MYO1D: variants seen among roughly 807,000 people sequenced by gnomAD.
MYO1D encodes the protein unconventional myosin-Id.
Under a neutral mutation model 122.0 loss-of-function variants are expected in MYO1D, and 83 were observed. The observed-to-expected ratio is 0.68, with a 90% CI of 0.57 to 0.82. The LOEUF (loss-of-function observed/expected upper bound fraction) is 0.82. Ranked by LOEUF, MYO1D falls within the 40% of genes least tolerant of loss-of-function variation. MYO1D has a pLI of 0.00. For synonymous variants in MYO1D, 464 were observed against 446.9 expected, an observed-to-expected ratio of 1.04 and a Z score of -0.48; for missense variants, 1,157 against 1,269.5, an observed-to-expected ratio of 0.91 and a Z score of 1.35.
At position 32,653,840 on chromosome 17, in the gene MYO1D, T is replaced by G. The variant is rs1426368563; in HGVS notation, c.2595+3A>C. The G allele has an allele frequency of 6.2e-7, 1 of 1,611,484 alleles. No individual in the cohort carries two copies. Among genetic ancestry groups the G allele is most frequent in the Admixed American group, 1.7e-5 (1 of 59,922 alleles). ...AAGATGATCTGGTTTAAGCTTGCCT[T>G]ACCTTACGGACGTGACAGGAAAAGA... On this transcript the variant is annotated splice_donor_region_variant and intron_variant, in intron 19 of 21. Coordinates refer to ENST00000318217, the MANE Select transcript of MYO1D (RefSeq NM_015194.3).
chr17:32,613,781 T>G (rs1197909758), intron 20 of MYO1D, among the ~76,000 whole-genome samples: 1 of 97,258 alleles, frequency 1.0e-5, no homozygotes, highest in African/African-American at 4.1e-5. Flanking sequence ...CAGAGCAAGA[T>G]TCCATCTCAA....
chr17:32,844,250 ATATAT>A (rs572517663), intron 1 of MYO1D, among the ~76,000 whole-genome samples: 124 of 147,230 alleles, frequency 8.4e-4, no homozygotes, highest in African/African-American at 3.0e-3. Flanking sequence ...TGTATATATA[ATATAT>A]AATATGTATA....
Position 32,610,307 on chromosome 17 carries a change from G to C in MYO1D, c.2710-5066C>G, listed in dbSNP as rs573751924. ...CTAGGTGGCTTTATCTGCTGTGGAT[G>C]GGAATTCTTCATGTGTACGCCCAGG... is the stretch of plus-strand genomic sequence containing the variant. On this transcript the variant is annotated intron_variant, in intron 20 of 21. Transcript: ENST00000318217. Among the ~76,000 whole-genome samples, 7 of 152,236 alleles carry C rather than the reference G, an allele frequency of 4.6e-5. No homozygotes were observed. The South Asian group carries it at 1.5e-3, about 32-fold the overall frequency.
At chr17:32,588,409 C>G (rs2087410001) in intron 21 of MYO1D, among the ~76,000 whole-genome samples, 1 of 152,210 alleles carries the variant, frequency 6.6e-6, no homozygotes, top group Non-Finnish European at 1.5e-5. Context: ...AAATAAACTC[C>G]AAACAGCATA....
chr17:32,515,662 AT>A (rs1456996918), intron 21 of MYO1D, among the ~76,000 whole-genome samples: 1 of 152,170 alleles, frequency 6.6e-6, no homozygotes, highest in East Asian at 1.9e-4. Flanking sequence ...CTTTTTGGAT[AT>A]TTTCCATCAC....
chr17:32,588,506 T>C (rs1400700847), intron 21 of MYO1D, among the ~76,000 whole-genome samples: 2 of 152,256 alleles, frequency 1.3e-5, no homozygotes, highest in Admixed American at 1.3e-4. Flanking sequence ...TTTTTCATCC[T>C]GAACATGTAT....
At chr17:32,640,233 A>G (rs139850133) in intron 19 of MYO1D, among the ~76,000 whole-genome samples, 2,258 of 152,358 alleles carry the variant, frequency 0.015, 45 homozygotes, top group African/African-American at 0.049. Context: ...TTTACATAGC[A>G]ACAGCTTTTG....
rs2089731282 is a variant in MYO1D, at chr17:32,738,274, T to C, written c.1725A>G (p.Leu575=). 6.2e-7 allele frequency: 1 copy of C among 1,608,464 alleles called. No individual in the cohort carries two copies. The highest frequency in any genetic ancestry group is 1.3e-5 in the African/African-American group (1 of 74,970). Residue 575 remains leucine, a synonymous_variant, in exon 14 of 22, where the codon CTA becomes CTG. Transcript: ENST00000318217. ...ATLFKNSMIA[L]VDNLASKEPY... is the part of the protein sequence containing the mutation. Reference sequence around the variant, plus strand: ...TTACCTTTGATGCAAGGTTGTCTACTAGAGCAATCATAGAATTCTTAAACA... The same window carrying C: ...TTACCTTTGATGCAAGGTTGTCTACCAGAGCAATCATAGAATTCTTAAACA...
intron 1 of MYO1D, among the ~76,000 whole-genome samples, chr17:32,794,660 G>A (rs1370423338): frequency 6.6e-6 from 1 of 152,004 alleles, no homozygotes; most frequent in East Asian, 1.9e-4. Flanking sequence ...CCAATAGAAT[G>A]CACTGTACTG....
At chr17:32,755,421 T>A in intron 11 of MYO1D, 71 bp downstream of exon 11, 6 of 1,453,138 alleles carry the variant, frequency 4.1e-6, no homozygotes, top group Non-Finnish European at 5.7e-6. Context: ...ACATATAAAG[T>A]CGTTGAACTC....
At position 32,507,391 on chromosome 17, in the gene MYO1D, G is replaced by A. The variant is rs117524765; in HGVS notation, c.2865-12476C>T. Among the ~76,000 whole-genome samples, 951 of 152,190 alleles carry A rather than the reference G, an allele frequency of 6.2e-3. 4 individuals carry two copies. Among genetic ancestry groups the A allele is most frequent in the Non-Finnish European group, 9.8e-3 (667 of 68,012 alleles). On this transcript the variant is annotated intron_variant, in intron 21 of 21. Coordinates refer to ENST00000318217, the MANE Select transcript of MYO1D (RefSeq NM_015194.3). ...TGCACTCCAATCTGGGTGACAGAGC[G>A]AGACCCTATCTCAAAAAAACTCCCC... is the stretch of plus-strand genomic sequence containing the variant.
At chr17:32,818,870 A>C (rs2090636533) in intron 1 of MYO1D, among the ~76,000 whole-genome samples, 1 of 152,256 alleles carries the variant, frequency 6.6e-6, no homozygotes, top group Non-Finnish European at 1.5e-5. Context: ...TTTCACCTAC[A>C]AAATCTTATG....
intron 16 of MYO1D, among the ~76,000 whole-genome samples, chr17:32,675,286 A>C (rs1240717913): frequency 1.3e-5 from 2 of 152,242 alleles, no homozygotes; most frequent in African/African-American, 4.8e-5. Flanking sequence ...TAGATAAAGT[A>C]GAATGCTGGA....
At chr17:32,587,911 A>G (rs1001489669) in intron 21 of MYO1D, among the ~76,000 whole-genome samples, 1 of 152,264 alleles carries the variant, frequency 6.6e-6, no homozygotes, top group African/African-American at 2.4e-5. Context: ...TGTTATGAAA[A>G]CAAAATGAAA....
At chr17:32,658,713 C>T (rs2088511365) in intron 17 of MYO1D, 1 of 185,616 alleles carries the variant, frequency 5.4e-6, no homozygotes, top group East Asian at 1.5e-4. Flanking sequence ...TGGCATATTT[C>T]CTAAACTCCT....
intron 16 of MYO1D, among the ~76,000 whole-genome samples, chr17:32,701,037 A>G (rs996538072): frequency 3.3e-5 from 5 of 152,058 alleles, no homozygotes; most frequent in Admixed American, 6.5e-5. Flanking sequence ...CATTAACTAA[A>G]GCTGATAAAG....
intron 1 of MYO1D, among the ~76,000 whole-genome samples, chr17:32,797,150 T>C (rs532729181): frequency 1.2e-4 from 18 of 152,184 alleles, no homozygotes; most frequent in African/African-American, 4.3e-4. Context: ...TTTTGTATTT[T>C]AGTAGAGATG....
intron 1 of MYO1D, among the ~76,000 whole-genome samples, chr17:32,798,004 G>T (rs546156164): frequency 7.9e-5 from 12 of 152,262 alleles, no homozygotes; most frequent in African/African-American, 2.6e-4. Flanking sequence ...AAAGAAATAC[G>T]TTTATGCCAA....
intron 14 of MYO1D, among the ~76,000 whole-genome samples, chr17:32,736,879 A>G (rs780973602): frequency 2.9e-4 from 44 of 152,316 alleles, no homozygotes; most frequent in Admixed American, 3.3e-4. Context: ...AAGCTGAGAT[A>G]CAAGAGTGAA....
Sources: allele counts gnomAD v4.1 joint callset (sites outside exome capture counted in the v4.1 genomes callset), GRCh38; gene constraint gnomAD v4.1.1; transcripts MANE v1.5; gene names NCBI Gene and HGNC (gene_info 2026-07-23, HGNC 2026-07-21).